The following DYNLT1 variants were observed in gnomAD, a reference collection of about 807,000 sequenced individuals.
DYNLT1 encodes T-complex testis-specific protein 1 homolog.
In DYNLT1, 18 loss-of-function variants were observed where a neutral mutation model predicts 19.6. That is an observed-to-expected ratio of 0.92 (90% CI 0.64 to 1.36). DYNLT1 has a LOEUF of 1.36. Ranked by LOEUF, DYNLT1 falls within the 40% of genes most tolerant of loss-of-function variation. The pLI is 0.00. For missense variants in DYNLT1, 137 were observed against 139.3 expected, an observed-to-expected ratio of 0.98 and a Z score of 0.08; for synonymous variants, 56 against 44.0, an observed-to-expected ratio of 1.27 and a Z score of -1.07.
chr6:158,639,755 A>T (rs1787097503), intron 2 of DYNLT1, among the ~76,000 whole-genome samples: 1 of 152,054 alleles, frequency 6.6e-6, no homozygotes, highest in Non-Finnish European at 1.5e-5. Flanking sequence ...ATCTTGGCTT[A>T]CTGCACCCTC....
At chr6:158,638,285 T>C (rs574122788) in intron 2 of DYNLT1, among the ~76,000 whole-genome samples, 57 of 152,242 alleles carry the variant, frequency 3.7e-4, no homozygotes, top group Non-Finnish European at 7.2e-4. Flanking sequence ...ACTGACAATA[T>C]ACAAAGCTAT....
At chr6:158,638,034 T>C (rs1299495093) in intron 2 of DYNLT1, 140 bp from the exon 3 acceptor site, 2 of 1,272,976 alleles carry the variant, frequency 1.6e-6, no homozygotes, top group Non-Finnish European at 2.1e-6. Flanking sequence ...AAATATACTT[T>C]TAATAGCATT....
rs898611790 is a variant in DYNLT1 at position 158,636,512 on chromosome 6, T to C, written c.*315A>G. 6.7e-6 allele frequency: 2 copies of C among 300,242 alleles called. No individual in the cohort carries two copies. Among genetic ancestry groups the C allele is most frequent in the African/African-American group, 4.3e-5 (2 of 46,746 alleles). 18.6% of individuals were successfully genotyped at this position (300,242 alleles called of 1,614,324 possible). A position where few individuals can be genotyped will look rare whatever the true frequency, so the allele number is the denominator to read the frequency against. On this transcript the variant is annotated 3_prime_UTR_variant, in exon 5 of 5. Coordinates refer to ENST00000367089, the MANE Select transcript of DYNLT1 (RefSeq NM_006519.4). ...AATTTATTCTAACAAAAGTATAAAG[T>C]ATGGAAAATTAGTGTATTTGAATCA...
In DYNLT1 at chr6:158,637,129, G is replaced by GT; in HGVS notation, c.269dup (p.Asp90GlufsTer11). 1 of 1,614,158 alleles carries GT rather than the reference G, an allele frequency of 6.2e-7. No individual in the cohort carries two copies. The highest frequency in any genetic ancestry group is 8.5e-7 in the Non-Finnish European group (1 of 1,180,012). Reference sequence around the variant, plus strand: ...CACAAACATGAATGAAAATCATACCGTCAGTAGAGCTGTCCCAGAAGCAGG... The same window carrying GT: ...CACAAACATGAATGAAAATCATACCGTTCAGTAGAGCTGTCCCAGAAGCAGG... On this transcript the variant is annotated frameshift_variant and splice_region_variant, in exon 4 of 5. Coordinates refer to ENST00000367089, the MANE Select transcript of DYNLT1 (RefSeq NM_006519.4). LOFTEE classifies it high-confidence loss of function.
chr6:158,639,030 C>T (rs1433141515), intron 2 of DYNLT1, among the ~76,000 whole-genome samples: 2 of 152,212 alleles, frequency 1.3e-5, no homozygotes, highest in African/African-American at 4.8e-5. Context: ...AAAATAACAA[C>T]ATTCAGTGAG....
chr6:158,638,952 C>A (rs546309819), intron 2 of DYNLT1, among the ~76,000 whole-genome samples: 1 of 152,294 alleles, frequency 6.6e-6, no homozygotes, highest in Non-Finnish European at 1.5e-5. Flanking sequence ...CAACTTTATT[C>A]TCTACCCCTA....
At chr6:158,643,382 G>C (rs1377472689) in intron 1 of DYNLT1, among the ~76,000 whole-genome samples, 1 of 152,220 alleles carries the variant, frequency 6.6e-6, no homozygotes. Context: ...GGAAGTGTGT[G>C]CTAGTTAGGA....
intron 2 of DYNLT1, among the ~76,000 whole-genome samples, chr6:158,640,056 G>A (rs530537794): frequency 7.9e-5 from 12 of 152,206 alleles, no homozygotes; most frequent in East Asian, 3.9e-4. Flanking sequence ...AAACAACTGC[G>A]GCAGAACTAG....
At chr6:158,641,390 A>T (rs1307692797) in intron 1 of DYNLT1, 30 bp from the exon 2 acceptor site, 1 of 1,571,700 alleles carries the variant, frequency 6.4e-7, no homozygotes, top group Non-Finnish European at 8.6e-7. Flanking sequence ...GTTAAGTTTG[A>T]TTTATTTAAA....
Position 158,641,361 on chromosome 6 carries a change from C to G in DYNLT1, c.28-1G>C, listed in dbSNP as rs1413521113. 4 of 1,592,972 alleles carry G rather than the reference C, an allele frequency of 2.5e-6. No homozygotes were observed. The highest frequency in any genetic ancestry group is 2.7e-5 in the African/African-American group (2 of 73,820). ...TCACTTCATCAACAACAAAAGCAGTCTGTAAGGAAGAACATTCAGTTAAGT... is the reference window on the plus strand; with the variant it reads ...TCACTTCATCAACAACAAAAGCAGTGTGTAAGGAAGAACATTCAGTTAAGT... On this transcript the variant is annotated splice_acceptor_variant, in intron 1 of 4. Coordinates refer to ENST00000367089, the MANE Select transcript of DYNLT1 (RefSeq NM_006519.4). LOFTEE classifies it high-confidence loss of function.
intron 3 of DYNLT1, 51 bp from the exon 4 acceptor site, chr6:158,637,256 G>T: frequency 6.5e-7 from 1 of 1,530,592 alleles, no homozygotes; most frequent in Non-Finnish European, 9.0e-7. Context: ...TAACACAAAT[G>T]TCATTCTGTC....
chr6:158,643,690 A>C (rs1344637653), intron 1 of DYNLT1, among the ~76,000 whole-genome samples: 1 of 152,192 alleles, frequency 6.6e-6, no homozygotes, highest in Non-Finnish European at 1.5e-5. Context: ...CATGTTGGTC[A>C]GGCTGCTCTC....
At chr6:158,637,078 G>A (rs760167769) in intron 4 of DYNLT1, 50 bp downstream of exon 4, 4 of 1,607,590 alleles carry the variant, frequency 2.5e-6, no homozygotes, top group South Asian at 1.1e-5. Context: ...GAAACTTCCA[G>A]TCATATATTT....
intron 2 of DYNLT1, 128 bp from the exon 3 acceptor site, chr6:158,638,022 G>A: frequency 7.1e-7 from 1 of 1,403,126 alleles, no homozygotes; most frequent in South Asian, 1.4e-5. Context: ...GGGTGCCTTT[G>A]CAAATATACT....
At chr6:158,644,592 G>C in intron 1 of DYNLT1, 90 bp downstream of exon 1, 5 of 1,498,076 alleles carry the variant, frequency 3.3e-6, no homozygotes, top group Non-Finnish European at 4.6e-6. Flanking sequence ...TGAAGGAGGT[G>C]GGCAGCCAGG....
Position 158,637,136 on chromosome 6 carries a change from G to C in DYNLT1, c.263C>G (p.Ser88Cys). ...ATGAATGAAAATCATACCGTCAGTAGAGCTGTCCCAGAAGCAGGAACTTGC... is the reference window on the plus strand; with the variant it reads ...ATGAATGAAAATCATACCGTCAGTACAGCTGTCCCAGAAGCAGGAACTTGC... Reference protein sequence around the residue: ...HTASSCFWDSSTDGSCTVRWE... With the variant: ...HTASSCFWDSCTDGSCTVRWE... The change falls in exon 4 of 5, where the codon TCT becomes TGT. Residue 88 changes from serine to cysteine, a missense_variant. Coordinates refer to ENST00000367089, the MANE Select transcript of DYNLT1 (RefSeq NM_006519.4). The C allele has an allele frequency of 6.2e-7, 1 of 1,614,184 alleles. No homozygotes were observed. Among genetic ancestry groups the C allele is most frequent in the Non-Finnish European group, 8.5e-7 (1 of 1,180,014 alleles).
rs1310681094 is a variant in DYNLT1, at chr6:158,644,668, G to T, written c.27+14C>A. 6.2e-7 allele frequency: 1 copy of T among 1,611,954 alleles called. No homozygotes were observed. The highest frequency in any genetic ancestry group is 1.7e-5 in the Admixed American group (1 of 60,010). ...TCTAGGCCTCCACCCTTCCGTCGCC[G>T]ACCCGGCGGTTACCTCCTCCGCAGC... is the stretch of plus-strand genomic sequence containing the variant. On this transcript the variant is annotated intron_variant, in intron 1 of 4. Transcript: ENST00000367089.
Position 158,644,710 on chromosome 6 carries a change from T to C in DYNLT1, c.-2A>G, listed in dbSNP as rs755141875. ...CTCCGCAGCCTGGTAGTCTTCCATC[T>C]TTCCTCCGGCGCGTCCCCTCCGGCT... On this transcript the variant is annotated 5_prime_UTR_variant, in exon 1 of 5. Transcript: ENST00000367089. The C allele has an allele frequency of 6.2e-7, 1 of 1,611,666 alleles. No homozygotes were observed. The highest frequency in any genetic ancestry group is 8.5e-7 in the Non-Finnish European group (1 of 1,179,680).
chr6:158,639,512 C>T (rs1368579280), intron 2 of DYNLT1, among the ~76,000 whole-genome samples: 2 of 152,124 alleles, frequency 1.3e-5, no homozygotes, highest in Non-Finnish European at 2.9e-5. Flanking sequence ...GAGGAGGGAA[C>T]CCTCCACCAA....
Sources: allele counts gnomAD v4.1 joint callset (sites outside exome capture counted in the v4.1 genomes callset), GRCh38; gene constraint gnomAD v4.1.1; transcripts MANE v1.5; gene names NCBI Gene and HGNC (gene_info 2026-07-23, HGNC 2026-07-21).